Variants in CDKL5 observed in about 807,000 individuals in gnomAD.
The protein encoded by CDKL5 is cyclin-dependent kinase-like 5.
In CDKL5, 8 loss-of-function variants were observed where a neutral mutation model predicts 61.7. The observed-to-expected ratio is 0.13, with a 90% confidence interval of 0.08 to 0.23. CDKL5 has a LOEUF of 0.23. CDKL5 is among the 10% of genes least tolerant of loss of function. The pLI, the probability that CDKL5 is intolerant of heterozygous loss-of-function variation, is 1.00. For synonymous variants in CDKL5, 275 were observed against 272.3 expected (o/e 1.01, Z -0.10); for missense variants, 440 against 734.5 (o/e 0.60, Z 4.63).
chrX:18,514,377 C>T (rs920826688), intron 3 of CDKL5, among the ~76,000 whole-genome samples: 3 of 110,977 alleles, frequency 2.7e-5, no homozygotes, highest in African/African-American at 9.8e-5. Context: ...AGTGACTAAG[C>T]TTCTTTTTAG....
chrX:18,538,635 T>C (rs1923922271), intron 3 of CDKL5, among the ~76,000 whole-genome samples: 1 of 112,116 alleles, frequency 8.9e-6, no homozygotes, highest in Non-Finnish European at 1.9e-5. Flanking sequence ...AGTTCTTTTT[T>C]CTTCTCCCTT....
chrX:18,530,730 A>AT lies in CDKL5; in HGVS notation c.99+19883dup, dbSNP rs57687275. ...TTCTTGCTTTTTGGCCTGCCTTGTA[A>AT]TTTTTTTAAAGCTGGATATGATATA... On this transcript the variant is annotated intron_variant, in intron 3 of 17. Transcript: ENST00000623535. Among the ~76,000 whole-genome samples the AT allele has an allele frequency of 5.6e-3, 628 of 111,326 alleles. 2 individuals are homozygous for AT. Among genetic ancestry groups the AT allele is most frequent in the Middle Eastern group, 0.046 (10 of 218 alleles).
chrX:18,613,109 A>AG, intron 14 of CDKL5, 43 bp from the exon 15 acceptor site: 1 of 1,078,757 alleles, frequency 9.3e-7, no homozygotes, highest in South Asian at 2.0e-5. Context: ...AAAAAAAAAA[A>AG]AAAAAGAAAA....
intron 3 of CDKL5, among the ~76,000 whole-genome samples, chrX:18,521,151 C>G (rs780382114): frequency 8.9e-6 from 1 of 112,145 alleles, no homozygotes; most frequent in Non-Finnish European, 1.9e-5. Flanking sequence ...TCTTTTCATG[C>G]GCTTTTGGTC....
intron 3 of CDKL5, among the ~76,000 whole-genome samples, chrX:18,511,742 A>T (rs1306073004): frequency 8.9e-6 from 1 of 112,175 alleles, no homozygotes. Flanking sequence ...TGACTGTATA[A>T]GTGAAAAGCT....
At chrX:18,540,269 C>T (rs771853937) in intron 3 of CDKL5, among the ~76,000 whole-genome samples, 33 of 110,817 alleles carry the variant, frequency 3.0e-4, no homozygotes, top group African/African-American at 8.6e-4. Flanking sequence ...TGTGACTTCC[C>T]GGGCTCAAGC....
At chrX:18,556,741 G>T (rs1005169123) in intron 3 of CDKL5, among the ~76,000 whole-genome samples, 4 of 110,209 alleles carry the variant, frequency 3.6e-5, no homozygotes, top group African/African-American at 6.6e-5. Flanking sequence ...AAATTAGCTG[G>T]GCGTGGTGGC....
intron 1 of CDKL5, among the ~76,000 whole-genome samples, chrX:18,488,880 G>A (rs1044713940): frequency 8.9e-6 from 1 of 111,753 alleles, no homozygotes; most frequent in Non-Finnish European, 1.9e-5. Flanking sequence ...ACTCTTTGTA[G>A]CAGTAAGATA....
In CDKL5 at chrX:18,515,733, T is replaced by C. The variant is rs149015679; in HGVS notation, c.99+4879T>C. Among the ~76,000 whole-genome samples, 53 of 111,399 alleles carry C rather than the reference T, an allele frequency of 4.8e-4. No homozygotes were observed. In the East Asian group the frequency reaches 0.015, roughly 31 times the overall value. ...ACCTAGTATTAACAAATACTACCTA[T>C]TGAGCATCTACCACATGCTAGACAC... On this transcript the variant is annotated intron_variant, in intron 3 of 17. Coordinates refer to ENST00000623535, the MANE Select transcript of CDKL5 (RefSeq NM_001323289.2).
At chrX:18,570,381 G>A (rs1180012346) in intron 4 of CDKL5, among the ~76,000 whole-genome samples, 1 of 111,525 alleles carries the variant, frequency 9.0e-6, no homozygotes, top group South Asian at 3.8e-4. Context: ...AATTTCTACT[G>A]TGCTTTTACC....
chrX:18,433,194 C>T (rs1931535522), intron 1 of CDKL5, among the ~76,000 whole-genome samples: 1 of 107,473 alleles, frequency 9.3e-6, no homozygotes, highest in Non-Finnish European at 1.9e-5. Context: ...TATCACTGCA[C>T]TCCAGCCTGG....
At chrX:18,583,739 A>C (rs1183159626) in intron 7 of CDKL5, among the ~76,000 whole-genome samples, 1 of 111,619 alleles carries the variant, frequency 9.0e-6, no homozygotes, top group African/African-American at 3.3e-5. Flanking sequence ...TAATATTCTC[A>C]GTCATTAGGA....
chrX:18,480,560 T>G (rs768242485), intron 1 of CDKL5, among the ~76,000 whole-genome samples: 1 of 111,810 alleles, frequency 8.9e-6, no homozygotes, highest in East Asian at 2.8e-4. Flanking sequence ...TGGAGTTATG[T>G]TCCACCTTAT....
intron 1 of CDKL5, among the ~76,000 whole-genome samples, chrX:18,471,518 TTG>T (rs1921095860): frequency 9.1e-6 from 1 of 110,024 alleles, no homozygotes; most frequent in Non-Finnish European, 1.9e-5. Context: ...GACTACAGGC[TTG>T]CATTGCCACA....
intron 1 of CDKL5, among the ~76,000 whole-genome samples, chrX:18,472,281 T>A (rs1265944701): frequency 1.8e-5 from 2 of 111,751 alleles, no homozygotes; most frequent in Non-Finnish European, 3.8e-5. Context: ...GTTCTTTTAC[T>A]TATTAACACC....
intron 4 of CDKL5, among the ~76,000 whole-genome samples, chrX:18,573,829 A>G (rs1165319749): frequency 8.9e-6 from 1 of 111,857 alleles, no homozygotes; most frequent in Non-Finnish European, 1.9e-5. Context: ...CCAGTTTGTT[A>G]TGGATACTCG....
rs747073794 is a variant in CDKL5 at position 18,469,099 on chromosome X, G to A, written c.-162-37836G>A. On this transcript the variant is annotated intron_variant, in intron 1 of 17. Transcript: ENST00000623535. Reference sequence around the variant, plus strand: ...AACGCCTATAATTGCAGCACTTTGGGAGGCTGAGGCGGGCAGATCATTGGA... The same window carrying A: ...AACGCCTATAATTGCAGCACTTTGGAAGGCTGAGGCGGGCAGATCATTGGA... Among the ~76,000 whole-genome samples the A allele has an allele frequency of 3.6e-5, 4 of 110,247 alleles. No homozygotes were observed. In the East Asian group the frequency reaches 1.1e-3, roughly 31 times the overall value.
chrX:18,508,390 TC>T (rs1484750193), intron 2 of CDKL5, among the ~76,000 whole-genome samples: 27 of 112,444 alleles, frequency 2.4e-4, no homozygotes, highest in African/African-American at 8.7e-4. Flanking sequence ...AGGTCTTTGT[TC>T]CTTCACTAGT....
chrX:18,602,070 G>A (rs2147158631), intron 11 of CDKL5, among the ~76,000 whole-genome samples: 1 of 111,493 alleles, frequency 9.0e-6, no homozygotes, highest in South Asian at 3.8e-4. Flanking sequence ...CAGGGAAGGA[G>A]CAGGGAAGAC....
Sources: gnomAD v4.1 joint callset for allele counts (sites outside exome capture counted in the v4.1 genomes callset) on GRCh38, gnomAD v4.1.1 for gene constraint, MANE v1.5 for transcripts, NCBI Gene and HGNC (gene_info 2026-07-23, HGNC 2026-07-21) for gene names.